The following NALF1 variants were observed in gnomAD, a reference collection of about 807,000 sequenced individuals.
The protein encoded by NALF1 is family with sequence similarity 155 member A.
NALF1 carries 3 observed loss-of-function variants against 48.4 expected under a neutral mutation model. That is an observed-to-expected ratio of 0.06 (90% CI 0.03 to 0.16). NALF1 has a LOEUF of 0.16. NALF1 is among the 10% of genes least tolerant of loss of function. NALF1 has a pLI of 1.00. For missense variants in NALF1, 526 were observed against 571.5 expected (o/e 0.92, Z 0.81); for synonymous variants, 262 against 245.7 (o/e 1.07, Z -0.62).
At chr13:107,546,107 A>C (rs1877129631) in intron 1 of NALF1, among the ~76,000 whole-genome samples, 1 of 152,116 alleles carries the variant, frequency 6.6e-6, no homozygotes, top group Non-Finnish European at 1.5e-5. Context: ...TCTTCCCAGC[A>C]GTTATAGCCA....
chr13:107,818,871 C>CAAAAAAAAAAAAAAAAAAAAAA (rs774372636), intron 1 of NALF1, among the ~76,000 whole-genome samples: 1 of 73,820 alleles, frequency 1.4e-5, no homozygotes. Flanking sequence ...GACTCCGTCT[C>CAAAAAAAAAAAAAAAAAAAAAA]AAAAAAAAAA....
chr13:107,508,852 C>A (rs1171868671), intron 1 of NALF1, among the ~76,000 whole-genome samples: 1 of 151,126 alleles, frequency 6.6e-6, no homozygotes, highest in Non-Finnish European at 1.5e-5. Context: ...AAAAAAAAAA[C>A]AAAAACAACA....
chr13:107,779,840 C>A (rs1877835114), intron 1 of NALF1, among the ~76,000 whole-genome samples: 1 of 152,178 alleles, frequency 6.6e-6, no homozygotes, highest in Non-Finnish European at 1.5e-5. Context: ...TAGATACAAA[C>A]AACTCAATAT....
At chr13:107,252,831 T>C (rs1032775166) in intron 1 of NALF1, among the ~76,000 whole-genome samples, 1 of 152,216 alleles carries the variant, frequency 6.6e-6, no homozygotes, top group Non-Finnish European at 1.5e-5. Context: ...CCAAAAGGCA[T>C]GTGTATAAGC....
At chr13:107,604,882 A>T (rs1289548168) in intron 1 of NALF1, among the ~76,000 whole-genome samples, 5 of 152,108 alleles carry the variant, frequency 3.3e-5, no homozygotes, top group Admixed American at 2.0e-4. Context: ...TCGTGATAAT[A>T]CTACAGGTAA....
At chr13:107,303,583 G>A (rs1000381148) in intron 1 of NALF1, among the ~76,000 whole-genome samples, 4 of 152,104 alleles carry the variant, frequency 2.6e-5, no homozygotes, top group Non-Finnish European at 4.4e-5. Context: ...TGTAAGACTC[G>A]TGGACTCAAC....
At chr13:107,597,648 AAT>A (rs1429356890) in intron 1 of NALF1, among the ~76,000 whole-genome samples, 1 of 152,190 alleles carries the variant, frequency 6.6e-6, no homozygotes. Flanking sequence ...CAAAAGAAAA[AAT>A]AGTCAATATT....
At chr13:107,471,704 T>C (rs917580029) in intron 1 of NALF1, among the ~76,000 whole-genome samples, 2 of 152,172 alleles carry the variant, frequency 1.3e-5, no homozygotes, top group Non-Finnish European at 2.9e-5. Flanking sequence ...ATGTTTCTGT[T>C]TTGCTATCTG....
At chr13:107,396,324 C>A (rs188116910) in intron 1 of NALF1, among the ~76,000 whole-genome samples, 2 of 152,150 alleles carry the variant, frequency 1.3e-5, no homozygotes, top group African/African-American at 4.8e-5. Context: ...TTAATGGAAG[C>A]GTTCTGTGTT....
chr13:107,246,829 G>T (rs1346330712), intron 1 of NALF1, among the ~76,000 whole-genome samples: 2 of 152,070 alleles, frequency 1.3e-5, no homozygotes, highest in African/African-American at 4.8e-5. Context: ...AAGAGGAAAG[G>T]GGAGAATTTC....
intron 1 of NALF1, among the ~76,000 whole-genome samples, chr13:107,611,476 A>G (rs1879222804): frequency 8.5e-6 from 1 of 117,306 alleles, no homozygotes; most frequent in Admixed American, 8.6e-5. Context: ...GTGGCACATA[A>G]ATAACATGGA....
chr13:107,274,244 G>A (rs752532901), intron 1 of NALF1, among the ~76,000 whole-genome samples: 31 of 152,008 alleles, frequency 2.0e-4, no homozygotes, highest in Admixed American at 2.0e-4. Flanking sequence ...ATGCACCAGC[G>A]AATGACTGTG....
intron 1 of NALF1, among the ~76,000 whole-genome samples, chr13:107,514,871 T>C (rs903244714): frequency 6.6e-6 from 1 of 152,166 alleles, no homozygotes; most frequent in Admixed American, 6.5e-5. Flanking sequence ...GTCAAGCTAG[T>C]AAAGTATAGT....
At chr13:107,821,509 A>C (rs1879361887) in intron 1 of NALF1, among the ~76,000 whole-genome samples, 1 of 152,210 alleles carries the variant, frequency 6.6e-6, no homozygotes, top group Non-Finnish European at 1.5e-5. Flanking sequence ...CTTTCCAAAA[A>C]CCCATAACCT....
At chr13:107,619,434 C>T (rs1198797256) in intron 1 of NALF1, among the ~76,000 whole-genome samples, 2 of 152,100 alleles carry the variant, frequency 1.3e-5, no homozygotes, top group Non-Finnish European at 2.9e-5. Flanking sequence ...TATCTCATTG[C>T]CTTGCAGCAT....
At chr13:107,807,354 T>G (rs868144657) in intron 1 of NALF1, among the ~76,000 whole-genome samples, 7 of 152,162 alleles carry the variant, frequency 4.6e-5, no homozygotes, top group South Asian at 2.1e-4. Flanking sequence ...ACTAATAAAA[T>G]CAAAGCAGTA....
intron 1 of NALF1, among the ~76,000 whole-genome samples, chr13:107,262,996 T>G (rs1330852831): frequency 6.6e-6 from 1 of 152,150 alleles, no homozygotes; most frequent in Admixed American, 6.5e-5. Context: ...TTTAAATGTT[T>G]AATAGTAGGA....
chr13:107,522,932 G>A (rs657228), intron 1 of NALF1, among the ~76,000 whole-genome samples: 110,614 of 151,860 alleles, frequency 0.73, 40,805 homozygotes, highest in Middle Eastern at 0.8. Flanking sequence ...CAGATTCTTT[G>A]AAAGGAAGTT....
intron 1 of NALF1, among the ~76,000 whole-genome samples, chr13:107,822,430 A>G (rs73587787): frequency 0.03 from 4,566 of 152,014 alleles, 259 homozygotes; most frequent in African/African-American, 0.11. Flanking sequence ...GCAGCACCTG[A>G]GAACTTTTTA....
Sources: allele counts gnomAD v4.1 joint callset (sites outside exome capture counted in the v4.1 genomes callset), GRCh38; gene constraint gnomAD v4.1.1; transcripts MANE v1.5; gene names NCBI Gene and HGNC (gene_info 2026-07-23, HGNC 2026-07-21).